Variants in SSH2 observed in about 807,000 individuals in gnomAD.
The protein encoded by SSH2 is protein phosphatase Slingshot homolog 2.
In SSH2, 37 loss-of-function variants were observed where a neutral mutation model predicts 135.2. The ratio of observed to expected loss-of-function variants is 0.27; its 90% CI spans 0.21 to 0.36. The LOEUF is 0.36. Among genes scored for constraint, SSH2 ranks in the 10% least tolerant of loss-of-function variants. SSH2 has a pLI of 1.00. For missense variants in SSH2, 1,408 were observed against 1,765.3 expected, an observed-to-expected ratio of 0.80 and a Z score of 3.63; for synonymous variants, 628 against 646.2, an observed-to-expected ratio of 0.97 and a Z score of 0.43.
chr17:29,910,071 A>G (rs8077572), intron 1 of SSH2, among the ~76,000 whole-genome samples: 60,651 of 151,990 alleles, frequency 0.4, 14,602 homozygotes, highest in East Asian at 0.69. Flanking sequence ...TCAGCCTCCC[A>G]AGTAGCTGGG....
chr17:29,677,112 T>TA (rs2037754114), intron 7 of SSH2, among the ~76,000 whole-genome samples: 1 of 152,242 alleles, frequency 6.6e-6, no homozygotes, highest in Admixed American at 6.5e-5. Flanking sequence ...ATATTGGAGT[T>TA]AGAGAATTCA....
At chr17:29,873,446 C>T (rs1426690595) in intron 1 of SSH2, among the ~76,000 whole-genome samples, 1 of 152,078 alleles carries the variant, frequency 6.6e-6, no homozygotes, top group East Asian at 1.9e-4. Flanking sequence ...GTAATCCCAG[C>T]TGCTCGGGAG....
intron 3 of SSH2, among the ~76,000 whole-genome samples, chr17:29,770,101 T>TTG (rs1567963105): frequency 8.1e-5 from 12 of 147,652 alleles, no homozygotes; most frequent in Non-Finnish European, 1.2e-4. Flanking sequence ...AGTTTTTTTT[T>TTG]TTTTTTTTTT....
intron 2 of SSH2, among the ~76,000 whole-genome samples, chr17:29,814,373 C>T (rs1041176310): frequency 3.1e-5 from 4 of 129,518 alleles, no homozygotes; most frequent in African/African-American, 1.2e-4. Flanking sequence ...GCGGAGCTTG[C>T]AGTGAGTGGA....
intron 2 of SSH2, among the ~76,000 whole-genome samples, chr17:29,847,189 A>G (rs760885548): frequency 3.9e-5 from 6 of 152,206 alleles, no homozygotes; most frequent in Non-Finnish European, 7.3e-5. Flanking sequence ...TCCTATGGGT[A>G]TAACAGTCCA....
chr17:29,815,303 T>C (rs1380328839), intron 2 of SSH2, among the ~76,000 whole-genome samples: 1 of 152,042 alleles, frequency 6.6e-6, no homozygotes, highest in African/African-American at 2.4e-5. Context: ...TTTGTATTTT[T>C]AGCAGAGATG....
intron 1 of SSH2, among the ~76,000 whole-genome samples, chr17:29,871,262 G>A (rs571425703): frequency 1.3e-5 from 2 of 152,098 alleles, no homozygotes; most frequent in African/African-American, 2.4e-5. Context: ...AGAGCAGCTG[G>A]CAGTCTTGCC....
At chr17:29,745,185 A>T (rs2040719500) in intron 3 of SSH2, among the ~76,000 whole-genome samples, 1 of 150,382 alleles carries the variant, frequency 6.6e-6, no homozygotes, top group African/African-American at 2.5e-5. Context: ...TTTGAAACAG[A>T]GTCTTTTTCT....
At chr17:29,762,268 G>A (rs2041341795) in intron 3 of SSH2, among the ~76,000 whole-genome samples, 1 of 152,118 alleles carries the variant, frequency 6.6e-6, no homozygotes, top group Non-Finnish European at 1.5e-5. Context: ...ATGTTTGTAA[G>A]TAAATCTATA....
Position 29,655,539 on chromosome 17 carries a change from A to G in SSH2, c.1079+22T>C, listed in dbSNP as rs370819589. 1.9e-6 allele frequency: 3 copies of G among 1,612,690 alleles called. No homozygotes were observed. In the South Asian group the frequency reaches 3.3e-5, roughly 18 times the overall value. ...GGGACTTCTGTTACACAGGGGTGCCAGCTATTGCTTTGTGTGCTTACCCTC... is the reference window on the plus strand; with the variant it reads ...GGGACTTCTGTTACACAGGGGTGCCGGCTATTGCTTTGTGTGCTTACCCTC... On this transcript the variant is annotated intron_variant, in intron 12 of 15. Transcript: ENST00000540801.
chr17:29,684,581 T>C lies in SSH2; in HGVS notation c.461A>G (p.Asp154Gly), dbSNP rs1350560563. ...DTEESIVLGM[D>G]FSSNDSSTCT... Reference sequence around the variant, plus strand: ...ACCATACCTGTCATTAGAGGAGAAATCCATTCCTAGGACGATGCTTTCTTC... The same window carrying C: ...ACCATACCTGTCATTAGAGGAGAAACCCATTCCTAGGACGATGCTTTCTTC... The change falls in exon 6 of 16, where the codon GAT (aspartate) becomes GGT (glycine). Residue 154 changes from aspartate to glycine, a missense_variant. Around this residue, in one of 3 missense-constraint regions of SSH2, gnomAD observed 222 missense variants for 355.6 expected, o/e 0.62. Coordinates refer to ENST00000540801, the MANE Select transcript of SSH2 (RefSeq NM_001282129.2). 6.2e-7 allele frequency: 1 copy of C among 1,605,050 alleles called. No individual in the cohort carries two copies. The highest frequency in any genetic ancestry group is 8.5e-7 in the Non-Finnish European group (1 of 1,174,508).
In SSH2 at chr17:29,885,274, C is replaced by T. The variant is rs560875811; in HGVS notation, c.64-36345G>A. On this transcript the variant is annotated intron_variant, in intron 1 of 15. Transcript: ENST00000540801. The stretch of plus-strand genomic sequence containing the variant: ...CTTATGCAACCTATTGCATATTATG[C>T]TTTTTTTCTATCAAGCAGGTACTAA... Among the ~76,000 whole-genome samples the T allele has an allele frequency of 3.4e-5, 5 of 148,632 alleles. No homozygotes were observed. In the East Asian group the frequency reaches 7.9e-4, roughly 23 times the overall value.
At chr17:29,808,738 C>CA (rs2042391917) in intron 2 of SSH2, among the ~76,000 whole-genome samples, 1 of 152,096 alleles carries the variant, frequency 6.6e-6, no homozygotes, top group Non-Finnish European at 1.5e-5. Flanking sequence ...GGCCACTAGA[C>CA]AAAGACTCTG....
At chr17:29,756,351 A>G (rs1026093937) in intron 3 of SSH2, among the ~76,000 whole-genome samples, 3 of 151,750 alleles carry the variant, frequency 2.0e-5, no homozygotes, top group Non-Finnish European at 4.4e-5. Flanking sequence ...GCTCACTGTA[A>G]CCTCGGATTC....
At chr17:29,733,158 TG>T (rs980891533) in intron 3 of SSH2, among the ~76,000 whole-genome samples, 1 of 152,118 alleles carries the variant, frequency 6.6e-6, no homozygotes. Flanking sequence ...AAGAACCAAA[TG>T]GGGACAGAGC....
intron 1 of SSH2, among the ~76,000 whole-genome samples, chr17:29,912,492 T>C (rs2066783174): frequency 6.6e-6 from 1 of 152,146 alleles, no homozygotes; most frequent in East Asian, 1.9e-4. Context: ...TTCGAGAGCC[T>C]GAGGTGGGAG....
intron 1 of SSH2, chr17:29,866,236 A>C (rs2151416198): frequency 6.6e-6 from 1 of 152,340 alleles, no homozygotes; most frequent in South Asian, 2.1e-4. Flanking sequence ...ATTTATGTGT[A>C]GATATTGAAT....
At chr17:29,637,322 C>T (rs2035950951) in intron 14 of SSH2, among the ~76,000 whole-genome samples, 2 of 152,126 alleles carry the variant, frequency 1.3e-5, no homozygotes, top group African/African-American at 4.8e-5. Flanking sequence ...TGGTCTTGAA[C>T]TTCTGACCTC....
intron 3 of SSH2, among the ~76,000 whole-genome samples, chr17:29,792,102 T>G (rs1322550202): frequency 1.3e-5 from 2 of 151,888 alleles, no homozygotes; most frequent in Non-Finnish European, 2.9e-5. Context: ...TTTTTTTGTA[T>G]TTTTATTAAA....
Sources: gnomAD v4.1 joint callset for allele counts (sites outside exome capture counted in the v4.1 genomes callset) on GRCh38, gnomAD v4.1.1 for gene constraint, gnomAD v4.1.1 regional missense constraint, MANE v1.5 for transcripts, NCBI Gene and HGNC (gene_info 2026-07-23, HGNC 2026-07-21) for gene names.